Variants in TMEM62 observed in about 807,000 individuals in gnomAD.
TMEM62 encodes transmembrane protein 62.
In TMEM62, 41 loss-of-function variants were observed where a neutral mutation model predicts 70.4. The observed-to-expected ratio is 0.58, with a 90% CI of 0.45 to 0.76. The LOEUF is 0.76. Ranked by LOEUF, TMEM62 falls within the 30% of genes least tolerant of loss-of-function variation. The pLI is 0.00. For synonymous variants in TMEM62, 268 were observed against 291.0 expected (o/e 0.92, Z 0.80); for missense variants, 688 against 788.5 (o/e 0.87, Z 1.53).
In TMEM62 at chr15:43,146,193, G is replaced by A. The variant is rs1328927084; in HGVS notation, c.477-300G>A. On this transcript the variant is annotated intron_variant, in intron 4 of 13. Coordinates refer to ENST00000260403, the MANE Select transcript of TMEM62 (RefSeq NM_024956.4). ...AATCTGCAAATGATTGATAAATACTGTTCCACTGGATTTTGATTTCTTTTT... is the reference window on the plus strand; with the variant it reads ...AATCTGCAAATGATTGATAAATACTATTCCACTGGATTTTGATTTCTTTTT... 5 of 227,074 alleles carry A rather than the reference G, an allele frequency of 2.2e-5. No individual in the cohort carries two copies. In the South Asian group the frequency reaches 6.3e-4, roughly 29 times the overall value. 14.1% of individuals were successfully genotyped at this position (227,074 alleles called of 1,614,324 possible).
chr15:43,146,958 A>T (rs1215353121), intron 5 of TMEM62, among the ~76,000 whole-genome samples: 1 of 152,190 alleles, frequency 6.6e-6, no homozygotes, highest in South Asian at 2.1e-4. Flanking sequence ...CACAATTGCC[A>T]GTTCTAACTA....
chr15:43,173,878 T>C (rs1027130241), intron 11 of TMEM62, among the ~76,000 whole-genome samples: 2 of 126,522 alleles, frequency 1.6e-5, no homozygotes, highest in Non-Finnish European at 3.6e-5. Context: ...TTTTTTTTTT[T>C]AGACAGTCTC....
intron 7 of TMEM62, among the ~76,000 whole-genome samples, chr15:43,150,001 A>C (rs1029753586): frequency 6.6e-6 from 1 of 152,148 alleles, no homozygotes; most frequent in African/African-American, 2.4e-5. Flanking sequence ...ATAGTTTATC[A>C]AGTTTTGAGG....
chr15:43,149,165 C>T lies in TMEM62; in HGVS notation c.866+14C>T. ...GGATAATAGGAGGTAAGGGAACCTC[C>T]CCATAGAAGAAAACTTATACACATA... On this transcript the variant is annotated intron_variant, in intron 7 of 13. Transcript: ENST00000260403. 6.2e-7 allele frequency: 1 copy of T among 1,612,972 alleles called. No individual in the cohort carries two copies.
Position 43,149,075 on chromosome 15 carries a change from C to T in TMEM62, c.790C>T (p.Leu264=), listed in dbSNP as rs201364170. 138 of 1,613,908 alleles carry T rather than the reference C, an allele frequency of 8.6e-5. No individual in the cohort carries two copies. The highest frequency in any genetic ancestry group is 6.6e-4 in the Middle Eastern group (4 of 6,084). Residue 264 remains leucine (L), a synonymous_variant, in exon 7 of 14, where the codon CTG becomes TTG. Coordinates refer to ENST00000260403, the MANE Select transcript of TMEM62 (RefSeq NM_024956.4). ...TGGACATCTCCATACACTTGGTGGA[C>T]TGATGCCTGTTTTGCACACTCGTCA... ...LCGHLHTLGG[L]MPVLHTRHFQ... is the part of the protein sequence containing the mutation.
At chr15:43,167,552 T>C (rs889772100) in intron 10 of TMEM62, among the ~76,000 whole-genome samples, 1 of 150,656 alleles carries the variant, frequency 6.6e-6, no homozygotes, top group Non-Finnish European at 1.5e-5. Context: ...CGCTCCTCAC[T>C]TCCTAGATGG....
At chr15:43,173,775 G>A (rs1220443002) in intron 11 of TMEM62, among the ~76,000 whole-genome samples, 1 of 150,492 alleles carries the variant, frequency 6.6e-6, no homozygotes, top group Non-Finnish European at 1.5e-5. Flanking sequence ...TACTTAATTA[G>A]ACAGCCACTT....
chr15:43,183,855 T>A (rs2041624990), intron 13 of TMEM62, among the ~76,000 whole-genome samples: 1 of 152,130 alleles, frequency 6.6e-6, no homozygotes, highest in South Asian at 2.1e-4. Context: ...CCAGTACTTA[T>A]CATGCTACCT....
At chr15:43,167,311 C>G (rs1162410608) in intron 10 of TMEM62, among the ~76,000 whole-genome samples, 2 of 150,832 alleles carry the variant, frequency 1.3e-5, no homozygotes, top group African/African-American at 4.9e-5. Context: ...GGCGGAGACG[C>G]TCCTCACTTC....
chr15:43,162,060 C>T (rs901250756), intron 10 of TMEM62, among the ~76,000 whole-genome samples: 5 of 151,980 alleles, frequency 3.3e-5, no homozygotes, highest in Admixed American at 3.3e-4. Context: ...AGGAATTTGT[C>T]TTGACTATTT....
intron 3 of TMEM62, among the ~76,000 whole-genome samples, chr15:43,138,134 C>CA (rs2035492755): frequency 6.6e-6 from 1 of 152,152 alleles, no homozygotes; most frequent in South Asian, 2.1e-4. Context: ...GGGTTTTAGC[C>CA]AGACTAGGGT....
Position 43,184,811 on chromosome 15 carries a change from A to G in TMEM62, c.*225A>G, listed in dbSNP as rs1332620435. 2 of 569,216 alleles carry G rather than the reference A, an allele frequency of 3.5e-6. No homozygotes were observed. Among genetic ancestry groups the G allele is most frequent in the East Asian group, 5.7e-5 (2 of 34,966 alleles). The allele number at this position is 569,216 out of a possible 1,614,324, so 35.3% of individuals were successfully genotyped here. ...AATGCCTTTATTCCTTCCCTCCCTA[A>G]GGAGGCAAAGAGTTGATTTACCTTT... On this transcript the variant is annotated 3_prime_UTR_variant, in exon 14 of 14. Coordinates refer to ENST00000260403, the MANE Select transcript of TMEM62 (RefSeq NM_024956.4).
At chr15:43,145,765 G>A (rs1429196882) in intron 4 of TMEM62, among the ~76,000 whole-genome samples, 1 of 152,078 alleles carries the variant, frequency 6.6e-6, no homozygotes, top group Non-Finnish European at 1.5e-5. Flanking sequence ...TTCTTATAAT[G>A]TTCTGACATT....
intron 10 of TMEM62, among the ~76,000 whole-genome samples, chr15:43,167,989 C>T (rs901153218): frequency 4.6e-5 from 7 of 152,112 alleles, no homozygotes; most frequent in South Asian, 4.2e-4. Context: ...TCAGGCGTGG[C>T]GGCGCACGCC....
At chr15:43,135,370 C>A in intron 2 of TMEM62, 142 bp from the exon 3 acceptor site, 2 of 745,334 alleles carry the variant, frequency 2.7e-6, no homozygotes, top group Non-Finnish European at 2.0e-6. Flanking sequence ...TCGATTTGGA[C>A]ATTGGTGGTC....
chr15:43,154,922 A>G (rs2037853422), intron 9 of TMEM62, 91 bp downstream of exon 9: 1 of 1,201,946 alleles, frequency 8.3e-7, no homozygotes, highest in Non-Finnish European at 1.1e-6. Flanking sequence ...TTGGTAATGA[A>G]ACCATGTTTA....
intron 10 of TMEM62, among the ~76,000 whole-genome samples, chr15:43,167,796 G>A (rs186089802): frequency 1.3e-5 from 2 of 152,286 alleles, no homozygotes; most frequent in East Asian, 3.9e-4. Context: ...AGGTTGTAGC[G>A]AGCCGAGATC....
intron 11 of TMEM62, among the ~76,000 whole-genome samples, chr15:43,171,614 C>CTTTTTTTTTTTTT (rs751979920): frequency 1.7e-5 from 2 of 114,972 alleles, no homozygotes; most frequent in Non-Finnish European, 3.5e-5. Flanking sequence ...TTAATAAAAA[C>CTTTTTTTTTTTTT]TTTTTTTTTT....
chr15:43,142,668 T>G (rs1263180705), intron 4 of TMEM62, among the ~76,000 whole-genome samples: 1 of 151,776 alleles, frequency 6.6e-6, no homozygotes, highest in Non-Finnish European at 1.5e-5. Context: ...GGTTTTTTTT[T>G]GTTTTTTTGG....
Sources: allele counts gnomAD v4.1 joint callset (sites outside exome capture counted in the v4.1 genomes callset), GRCh38; gene constraint gnomAD v4.1.1; transcripts MANE v1.5; gene names NCBI Gene and HGNC (gene_info 2026-07-23, HGNC 2026-07-21).